TAS2R1: variants seen among roughly 807,000 people sequenced by gnomAD.
TAS2R1 encodes the protein taste receptor type 2 member 1.
For missense variants in TAS2R1, 370 were observed against 353.4 expected (o/e 1.05, Z -0.38); for synonymous variants, 141 against 134.2 (o/e 1.05, Z -0.35).
At chr5:9,877,486 T>C in the TAS2R1 span, among the ~76,000 whole-genome samples, 2 of 152,242 alleles carry the variant, frequency 1.3e-5, no homozygotes, top group Non-Finnish European at 2.9e-5. Context: ...TTTATACTTT[T>C]TGAATAGCAA....
At chr5:9,723,210 G>C in the TAS2R1 span, among the ~76,000 whole-genome samples, 1 of 152,006 alleles carries the variant, frequency 6.6e-6, no homozygotes, top group South Asian at 2.1e-4. Context: ...AGTTTTGGTG[G>C]TTCTCTGTTG....
chr5:9,701,082 C>T (rs1741469428), intron 1 of TAS2R1, among the ~76,000 whole-genome samples: 1 of 151,964 alleles, frequency 6.6e-6, no homozygotes, highest in Non-Finnish European at 1.5e-5. Context: ...ACAGGTGAAC[C>T]CCGCTGGCAA....
intron 1 of TAS2R1, among the ~76,000 whole-genome samples, chr5:9,673,249 G>C (rs1740805458): frequency 6.6e-6 from 1 of 152,158 alleles, no homozygotes; most frequent in Middle Eastern, 3.4e-3. Context: ...CATGTGACAT[G>C]CAATTTACCT....
the TAS2R1 span, among the ~76,000 whole-genome samples, chr5:9,830,385 A>G: frequency 2.0e-5 from 3 of 152,174 alleles, no homozygotes; most frequent in Admixed American, 1.3e-4. Context: ...GATGATAGGT[A>G]TATGACAAAG....
chr5:9,679,551 G>A lies in TAS2R1; in HGVS notation c.-241-19970C>T, dbSNP rs568885080. Among the ~76,000 whole-genome samples the A allele has an allele frequency of 2.2e-3, 330 of 152,278 alleles. 2 individuals carry two copies. Among genetic ancestry groups the A allele is most frequent in the South Asian group, 9.3e-3 (45 of 4,826 alleles). On this transcript the variant is annotated intron_variant, in intron 1 of 2. Transcript: ENST00000506620. ...TGCCCATAAACACTGTACTCTAGTTGATAAAGTTATATCCCAAAAATAAGG... is the reference window on the plus strand; with the variant it reads ...TGCCCATAAACACTGTACTCTAGTTAATAAAGTTATATCCCAAAAATAAGG...
At chr5:9,720,286 T>A in the TAS2R1 span, among the ~76,000 whole-genome samples, 2 of 152,238 alleles carry the variant, frequency 1.3e-5, no homozygotes, top group Non-Finnish European at 2.9e-5. Context: ...AGAATTTGGC[T>A]AGTCTGGGCT....
At chr5:9,900,860 T>C in the TAS2R1 span, among the ~76,000 whole-genome samples, 1 of 152,106 alleles carries the variant, frequency 6.6e-6, no homozygotes, top group African/African-American at 2.4e-5. Flanking sequence ...CCTGACCTCG[T>C]GATCCGCCCG....
At chr5:9,818,931 A>C in the TAS2R1 span, among the ~76,000 whole-genome samples, 1 of 152,204 alleles carries the variant, frequency 6.6e-6, no homozygotes, top group Non-Finnish European at 1.5e-5. Flanking sequence ...CTCAGCTCAC[A>C]CAGTTAATCT....
the TAS2R1 span, among the ~76,000 whole-genome samples, chr5:9,876,748 C>T: frequency 6.6e-6 from 1 of 152,096 alleles, no homozygotes; most frequent in African/African-American, 2.4e-5. Flanking sequence ...AATACGACTT[C>T]CCAGGAGGGA....
At chr5:9,654,177 T>G (rs1181396756) in intron 2 of TAS2R1, among the ~76,000 whole-genome samples, 1 of 152,218 alleles carries the variant, frequency 6.6e-6, no homozygotes, top group Non-Finnish European at 1.5e-5. Flanking sequence ...GAAGCTCTAA[T>G]TAAAAAGACT....
the TAS2R1 span, among the ~76,000 whole-genome samples, chr5:9,763,822 C>A: frequency 2.6e-5 from 4 of 152,286 alleles, no homozygotes; most frequent in African/African-American, 9.6e-5. Flanking sequence ...GGGAAATAAA[C>A]GTAAAACAGG....
At chr5:9,822,037 C>T in the TAS2R1 span, among the ~76,000 whole-genome samples, 128 of 152,292 alleles carry the variant, frequency 8.4e-4, no homozygotes, top group African/African-American at 3.0e-3. Flanking sequence ...ATGACCACTG[C>T]TCTTGCTGTC....
intron 2 of TAS2R1, among the ~76,000 whole-genome samples, chr5:9,640,519 A>AAAC (rs1740058895): frequency 6.6e-6 from 1 of 150,826 alleles, no homozygotes; most frequent in Admixed American, 6.6e-5. Context: ...AAAAAAAAAA[A>AAAC]AAACAGTACC....
the TAS2R1 span, among the ~76,000 whole-genome samples, chr5:9,771,064 A>G: frequency 6.6e-6 from 1 of 152,118 alleles, no homozygotes; most frequent in East Asian, 1.9e-4. Context: ...GTGTTGAGTT[A>G]TGTTCTTCTA....
intron 1 of TAS2R1, among the ~76,000 whole-genome samples, chr5:9,681,225 T>C (rs1740989558): frequency 6.6e-6 from 1 of 152,122 alleles, no homozygotes; most frequent in African/African-American, 2.4e-5. Context: ...GATTGGTTCA[T>C]TAATTGTAAC....
the TAS2R1 span, among the ~76,000 whole-genome samples, chr5:9,822,869 T>TA: frequency 6.6e-6 from 1 of 151,982 alleles, no homozygotes; most frequent in Non-Finnish European, 1.5e-5. Context: ...TGTGCTACAA[T>TA]AAAAAACAGT....
chr5:9,883,697 T>C, the TAS2R1 span, among the ~76,000 whole-genome samples: 2 of 152,164 alleles, frequency 1.3e-5, no homozygotes, highest in South Asian at 2.1e-4. Context: ...CCTGAGTCTA[T>C]GGGTCTGCTG....
chr5:9,652,153 C>T (rs900392057), intron 2 of TAS2R1, among the ~76,000 whole-genome samples: 7 of 152,212 alleles, frequency 4.6e-5, no homozygotes, highest in African/African-American at 1.4e-4. Flanking sequence ...TATCTCTCTG[C>T]ATCCCATGAG....
At chr5:9,642,699 A>G (rs941053411) in intron 2 of TAS2R1, among the ~76,000 whole-genome samples, 3 of 152,140 alleles carry the variant, frequency 2.0e-5, no homozygotes, top group East Asian at 1.9e-4. Flanking sequence ...CAATATTCTG[A>G]GATGTATTTG....
Sources: gnomAD v4.1 joint callset for allele counts (sites outside exome capture counted in the v4.1 genomes callset) on GRCh38, gnomAD v4.1.1 for gene constraint, MANE v1.5 for transcripts, NCBI Gene and HGNC (gene_info 2026-07-23, HGNC 2026-07-21) for gene names.